Variants in ADAMTSL1 observed in about 807,000 individuals in gnomAD.
The protein encoded by ADAMTSL1 is ADAMTS-like protein 1.
In ADAMTSL1, 126 loss-of-function variants were observed where a neutral mutation model predicts 201.8. The ratio of observed to expected loss-of-function variants is 0.62; its 90% CI spans 0.54 to 0.72. ADAMTSL1 has a LOEUF of 0.72. Ranked by LOEUF, ADAMTSL1 falls within the 30% of genes least tolerant of loss-of-function variation. ADAMTSL1 has a pLI of 0.00. For synonymous variants in ADAMTSL1, 1,121 were observed against 903.4 expected, an observed-to-expected ratio of 1.24 and a Z score of -4.32; for missense variants, 2,679 against 2,277.8, an observed-to-expected ratio of 1.18 and a Z score of -3.59.
At chr9:18,849,308 C>G (rs917940038) in intron 23 of ADAMTSL1, among the ~76,000 whole-genome samples, 10 of 152,208 alleles carry the variant, frequency 6.6e-5, no homozygotes, top group Non-Finnish European at 1.0e-4. Context: ...CCACCCTTCA[C>G]CCCACCCGCA....
At chr9:18,169,822 C>G (rs1321203609) in intron 2 of ADAMTSL1, among the ~76,000 whole-genome samples, 2 of 152,004 alleles carry the variant, frequency 1.3e-5, no homozygotes, top group African/African-American at 2.4e-5. Flanking sequence ...TTGTAGTTCT[C>G]TTAACTAGTT....
chr9:18,179,349 G>T (rs372492611), intron 2 of ADAMTSL1, among the ~76,000 whole-genome samples: 1 of 152,072 alleles, frequency 6.6e-6, no homozygotes, highest in African/African-American at 2.4e-5. Flanking sequence ...AGAAACGAGC[G>T]AAGCCTCCAA....
At chr9:17,999,128 T>C (rs1199831886) in intron 1 of ADAMTSL1, among the ~76,000 whole-genome samples, 1 of 151,984 alleles carries the variant, frequency 6.6e-6, no homozygotes, top group South Asian at 2.1e-4. Context: ...GAGAAAAAAT[T>C]GATAAAAGCA....
intron 2 of ADAMTSL1, among the ~76,000 whole-genome samples, chr9:18,410,226 T>C (rs1355044409): frequency 6.6e-6 from 1 of 151,942 alleles, no homozygotes; most frequent in Non-Finnish European, 1.5e-5. Context: ...TATTTTAAGC[T>C]CAAGGGTACA....
rs749772872 is a variant in ADAMTSL1 at position 18,805,199 on chromosome 9, CTT to C, written c.3805+9678_3805+9679del. ...TTCAACAAGGCCAGCCATGGTGTGACTTTTAAGCTCTCCGCATCTGTCCAGAT... is the reference window on the plus strand; with the variant it reads ...TTCAACAAGGCCAGCCATGGTGTGACTTAAGCTCTCCGCATCTGTCCAGAT... On this transcript the variant is annotated intron_variant, in intron 20 of 28. Transcript: ENST00000380548. Among the ~76,000 whole-genome samples the C allele has an allele frequency of 3.5e-4, 53 of 152,268 alleles. 1 individual carries two copies. The highest frequency in any genetic ancestry group is 5.9e-4 in the Non-Finnish European group (40 of 68,020).
At chr9:18,305,195 T>A (rs1359650122) in intron 2 of ADAMTSL1, among the ~76,000 whole-genome samples, 1 of 152,218 alleles carries the variant, frequency 6.6e-6, no homozygotes, top group Non-Finnish European at 1.5e-5. Flanking sequence ...GCTTTTCCCA[T>A]GGTCTTCACA....
chr9:18,860,897 G>T (rs562869791), intron 23 of ADAMTSL1, among the ~76,000 whole-genome samples: 1 of 152,318 alleles, frequency 6.6e-6, no homozygotes, highest in Non-Finnish European at 1.5e-5. Context: ...AAGCGTACTT[G>T]CTCTGTCCAC....
intron 1 of ADAMTSL1, among the ~76,000 whole-genome samples, chr9:17,951,516 A>G (rs1194826940): frequency 6.6e-6 from 1 of 152,118 alleles, no homozygotes; most frequent in Non-Finnish European, 1.5e-5. Context: ...GTATCACAGC[A>G]TGGTTTTAAT....
intron 2 of ADAMTSL1, among the ~76,000 whole-genome samples, chr9:18,217,565 C>T (rs1448607356): frequency 1.3e-5 from 2 of 152,134 alleles, no homozygotes; most frequent in African/African-American, 4.8e-5. Context: ...TCCCTACTTC[C>T]TACCATCATA....
At chr9:18,846,016 A>G (rs1230837361) in intron 23 of ADAMTSL1, among the ~76,000 whole-genome samples, 1 of 152,258 alleles carries the variant, frequency 6.6e-6, no homozygotes, top group African/African-American at 2.4e-5. Context: ...TTATTCAAGA[A>G]GTATTTACCA....
chr9:18,216,634 C>T (rs1480859672), intron 2 of ADAMTSL1, among the ~76,000 whole-genome samples: 1 of 147,026 alleles, frequency 6.8e-6, no homozygotes, highest in Non-Finnish European at 1.5e-5. Flanking sequence ...CAGTGACATA[C>T]AACTCTTGCT....
At chr9:18,574,948 G>C (rs1822615044) in intron 4 of ADAMTSL1, among the ~76,000 whole-genome samples, 1 of 152,050 alleles carries the variant, frequency 6.6e-6, no homozygotes, top group South Asian at 2.1e-4. Flanking sequence ...CCACTTTTTG[G>C]ATTAGGATTA....
At chr9:18,798,713 G>T (rs989293020) in intron 20 of ADAMTSL1, among the ~76,000 whole-genome samples, 1 of 152,204 alleles carries the variant, frequency 6.6e-6, no homozygotes, top group African/African-American at 2.4e-5. Flanking sequence ...AACAGAGAGA[G>T]ACGCCTGATG....
intron 20 of ADAMTSL1, among the ~76,000 whole-genome samples, chr9:18,806,685 T>C (rs1015146560): frequency 5.3e-5 from 8 of 152,200 alleles, no homozygotes; most frequent in African/African-American, 1.7e-4. Context: ...CCAAATCACA[T>C]AGGAGAGAGA....
At chr9:18,195,885 T>G (rs563190711) in intron 2 of ADAMTSL1, among the ~76,000 whole-genome samples, 1 of 152,152 alleles carries the variant, frequency 6.6e-6, no homozygotes, top group East Asian at 1.9e-4. Flanking sequence ...CCATAGTGAG[T>G]GATTTCGTCC....
At chr9:18,540,576 G>GAT (rs1564030070) in intron 3 of ADAMTSL1, among the ~76,000 whole-genome samples, 1 of 152,140 alleles carries the variant, frequency 6.6e-6, no homozygotes, top group Non-Finnish European at 1.5e-5. Flanking sequence ...AAAGAAGTGG[G>GAT]ATATTTATCT....
At chr9:18,083,166 G>A (rs1249372930) in intron 1 of ADAMTSL1, among the ~76,000 whole-genome samples, 1 of 152,122 alleles carries the variant, frequency 6.6e-6, no homozygotes, top group Non-Finnish European at 1.5e-5. Flanking sequence ...CTTTAAGTTT[G>A]GCTACTATTG....
chr9:18,714,556 A>T lies in ADAMTSL1; in HGVS notation c.1877-6980A>T, dbSNP rs59530810. 1.7e-3 allele frequency among the ~76,000 whole-genome samples: 229 copies of T among 138,430 alleles called. 1 individual carries two copies. Among genetic ancestry groups the T allele is most frequent in the African/African-American group, 5.6e-3 (224 of 39,836 alleles). The allele number at this position is 138,430 out of a possible 152,430, so 90.8% of individuals were successfully genotyped here. A position where few individuals can be genotyped will look rare whatever the true frequency, so the allele number is the denominator to read the frequency against. On this transcript the variant is annotated intron_variant, in intron 14 of 28. Coordinates refer to ENST00000380548, the MANE Select transcript of ADAMTSL1 (RefSeq NM_001040272.6). ...CCAAGACTAAACCAGGAAGAAGTTG[A>T]ATCTCTGAAGATAGACCAATAACAG...
intron 2 of ADAMTSL1, among the ~76,000 whole-genome samples, chr9:18,281,527 A>G (rs921050122): frequency 2.6e-5 from 4 of 152,322 alleles, no homozygotes; most frequent in African/African-American, 7.2e-5. Flanking sequence ...CATGAGACCC[A>G]GTCACAAGGG....
Sources: allele counts gnomAD v4.1 joint callset (sites outside exome capture counted in the v4.1 genomes callset), GRCh38; gene constraint gnomAD v4.1.1; transcripts MANE v1.5; gene names NCBI Gene and HGNC (gene_info 2026-07-23, HGNC 2026-07-21).